The following CELF4 variants were observed in gnomAD, a reference collection of about 807,000 sequenced individuals.
CELF4 encodes CUG-BP- and ETR-3-like factor 4.
CELF4 carries 18 observed loss-of-function variants against 59.9 expected under a neutral mutation model. That is an observed-to-expected ratio of 0.30 (90% CI 0.21 to 0.45). CELF4 has a LOEUF of 0.45. Among genes scored for constraint, CELF4 ranks in the 20% least tolerant of loss-of-function variants. The pLI is 1.00. For synonymous variants in CELF4, 261 were observed against 267.1 expected, an observed-to-expected ratio of 0.98 and a Z score of 0.22; for missense variants, 456 against 689.0, an observed-to-expected ratio of 0.66 and a Z score of 3.79.
intron 1 of CELF4, among the ~76,000 whole-genome samples, chr18:37,498,397 TCTCTTCCCTC>T (rs2099927618): frequency 7.7e-6 from 1 of 130,530 alleles, no homozygotes; most frequent in Non-Finnish European, 1.6e-5. Flanking sequence ...CATCTCCCCT[TCTCTTCCCTC>T]CTCTTCCCTC....
Position 37,408,490 on chromosome 18 carries a change from GC to G in CELF4, c.369+77034del, listed in dbSNP as rs201750577. Among the ~76,000 whole-genome samples the G allele has an allele frequency of 2.8e-3, 124 of 44,184 alleles. 2 individuals are homozygous for G. The South Asian group carries it at 0.042, about 15-fold the overall frequency. 29.0% of individuals were successfully genotyped at this position (44,184 alleles called of 152,430 possible). ...TTTTTTTTTTCCCCCTTTGGTTGGTGCCGGGGGGGGGCGCGGTGCAGGAGGA... is the reference window on the plus strand; with the variant it reads ...TTTTTTTTTTCCCCCTTTGGTTGGTGCGGGGGGGGGCGCGGTGCAGGAGGA... On this transcript the variant is annotated intron_variant, in intron 2 of 12. Coordinates refer to ENST00000420428, the MANE Select transcript of CELF4 (RefSeq NM_020180.4).
intron 2 of CELF4, among the ~76,000 whole-genome samples, chr18:37,465,990 G>C (rs11082008): frequency 0.44 from 67,281 of 152,024 alleles, 15,347 homozygotes; most frequent in Admixed American, 0.55. Flanking sequence ...GGGTCCTGGA[G>C]TGCTGGCAGA....
chr18:37,501,430 C>T (rs996567400), intron 1 of CELF4, among the ~76,000 whole-genome samples: 4 of 152,212 alleles, frequency 2.6e-5, no homozygotes, highest in Admixed American at 1.3e-4. Flanking sequence ...CTGGGGCCTG[C>T]GGGTCTCCAT....
chr18:37,343,659 C>T (rs1220734529), intron 2 of CELF4, among the ~76,000 whole-genome samples: 1 of 152,060 alleles, frequency 6.6e-6, no homozygotes, highest in Non-Finnish European at 1.5e-5. Context: ...TGACTGCAAG[C>T]TGGGCACCTG....
At chr18:37,422,698 T>C (rs2099585777) in intron 2 of CELF4, among the ~76,000 whole-genome samples, 2 of 152,174 alleles carry the variant, frequency 1.3e-5, no homozygotes, top group Admixed American at 6.5e-5. Flanking sequence ...GAGAGAGCCC[T>C]GGGTTTAGGG....
At chr18:37,399,296 G>C (rs1445090759) in intron 2 of CELF4, among the ~76,000 whole-genome samples, 1 of 152,142 alleles carries the variant, frequency 6.6e-6, no homozygotes, top group Non-Finnish European at 1.5e-5. Context: ...TCCCGTGAGA[G>C]TGGGTTCCTG....
chr18:37,485,951 T>G, intron 1 of CELF4: 1 of 182,576 alleles, frequency 5.5e-6, no homozygotes, highest in African/African-American at 2.4e-5. Flanking sequence ...GCCCCTACGC[T>G]TCCTAGAAGG....
intron 2 of CELF4, among the ~76,000 whole-genome samples, chr18:37,446,031 G>C (rs2099747250): frequency 6.6e-6 from 1 of 152,192 alleles, no homozygotes; most frequent in South Asian, 2.1e-4. Flanking sequence ...AGAGTGGCGA[G>C]AGCCCGGACT....
At chr18:37,534,928 C>A (rs575710565) in intron 1 of CELF4, among the ~76,000 whole-genome samples, 42 of 152,246 alleles carry the variant, frequency 2.8e-4, no homozygotes, top group South Asian at 2.3e-3. Context: ...TGTTCCAGGT[C>A]GTGGAACCCT....
rs774299124 is a variant in CELF4 at position 37,565,500 on chromosome 18, T to C, written c.142A>G (p.Met48Val). The C allele has an allele frequency of 4.3e-6, 7 of 1,614,004 alleles. No individual in the cohort carries two copies. Among genetic ancestry groups the C allele is most frequent in the East Asian group, 2.2e-5 (1 of 44,862 alleles). ...HSPGNPSTIP[M>V]KDHDAIKLFI... ...AGCTTGATGGCATCGTGGTCCTTCA[T>C]GGGAATGGTCGACGGGTTCCCCGGG... Residue 48 changes from methionine (M) to valine (V), a missense_variant, in exon 1 of 13, where the codon ATG (methionine) becomes GTG (valine). Around this residue, in one of 7 missense-constraint regions of CELF4, gnomAD observed 70 missense variants for 69.5 expected, o/e 1.01. Transcript: ENST00000420428.
At chr18:37,364,698 T>A (rs1172174487) in intron 2 of CELF4, among the ~76,000 whole-genome samples, 1 of 152,148 alleles carries the variant, frequency 6.6e-6, no homozygotes, top group East Asian at 1.9e-4. Flanking sequence ...AACTGAGAAT[T>A]AGGAAGAGAA....
At chr18:37,408,190 A>G (rs2099403156) in intron 2 of CELF4, among the ~76,000 whole-genome samples, 1 of 152,078 alleles carries the variant, frequency 6.6e-6, no homozygotes, top group South Asian at 2.1e-4. Context: ...TCTTAGACTG[A>G]TGGGCTGGGG....
chr18:37,523,887 T>C (rs1299211683), intron 1 of CELF4, among the ~76,000 whole-genome samples: 2 of 152,218 alleles, frequency 1.3e-5, no homozygotes, highest in African/African-American at 2.4e-5. Flanking sequence ...AATGAGCGTG[T>C]GGCTTCTTGC....
chr18:37,437,870 T>A (rs12456639), intron 2 of CELF4, among the ~76,000 whole-genome samples: 91,859 of 152,044 alleles, frequency 0.6, 28,465 homozygotes, highest in East Asian at 0.77. Flanking sequence ...ACCCAAATTC[T>A]TATGTTGAAA....
At chr18:37,547,904 TG>T (rs1285361001) in intron 1 of CELF4, among the ~76,000 whole-genome samples, 9 of 152,140 alleles carry the variant, frequency 5.9e-5, no homozygotes, top group Non-Finnish European at 1.0e-4. Context: ...CACTTCTTTA[TG>T]GGTGCCAGAA....
intron 2 of CELF4, among the ~76,000 whole-genome samples, chr18:37,386,756 C>T (rs896204781): frequency 6.6e-6 from 1 of 152,206 alleles, no homozygotes; most frequent in African/African-American, 2.4e-5. Context: ...AATAGTCTCT[C>T]TTTTCCTAAA....
At chr18:37,262,033 T>G in intron 10 of CELF4, among the ~76,000 whole-genome samples, 1 of 152,168 alleles carries the variant, frequency 6.6e-6, no homozygotes, top group Non-Finnish European at 1.5e-5. Context: ...CGCCTGTCTC[T>G]CCCTGGCCCC....
chr18:37,286,397 A>G (rs2094772252), intron 3 of CELF4, among the ~76,000 whole-genome samples: 1 of 152,058 alleles, frequency 6.6e-6, no homozygotes, highest in South Asian at 2.1e-4. Context: ...CATTAGCCAC[A>G]GGCTGACCCT....
intron 2 of CELF4, among the ~76,000 whole-genome samples, chr18:37,447,468 A>G (rs930753284): frequency 1.3e-5 from 2 of 152,056 alleles, no homozygotes; most frequent in African/African-American, 4.8e-5. Context: ...GTGCTCCTTT[A>G]CCACCCCTTC....
Sources: allele counts gnomAD v4.1 joint callset (sites outside exome capture counted in the v4.1 genomes callset), GRCh38; gene constraint gnomAD v4.1.1; regional missense constraint gnomAD v4.1.1; transcripts MANE v1.5; gene names NCBI Gene and HGNC (gene_info 2026-07-23, HGNC 2026-07-21).